Variants in ANO10 observed in about 807,000 individuals in gnomAD.
ANO10 encodes anoctamin-10.
ANO10 carries 77 observed loss-of-function variants against 74.7 expected under a neutral mutation model. The ratio of observed to expected loss-of-function variants is 1.03; its 90% CI spans 0.86 to 1.25. The LOEUF (loss-of-function observed/expected upper bound fraction) is 1.25, where lower values mean the gene tolerates loss of function less well. Ranked by LOEUF, ANO10 falls within the 50% of genes most tolerant of loss-of-function variation. The probability of loss-of-function intolerance (pLI) is 0.00; values close to 1 mark genes in which losing one functional copy is unlikely to be tolerated. For synonymous variants in ANO10, 279 were observed against 284.9 expected (o/e 0.98, Z 0.21); for missense variants, 721 against 778.1 (o/e 0.93, Z 0.87).
At chr3:43,457,288 T>C (rs1019257001) in intron 11 of ANO10, among the ~76,000 whole-genome samples, 1 of 152,190 alleles carries the variant, frequency 6.6e-6, no homozygotes, top group African/African-American at 2.4e-5. Flanking sequence ...CTTGTATTAG[T>C]CCATTTTCAC....
At position 43,418,917 on chromosome 3, in the gene ANO10, G is replaced by A. The variant is rs530297848; in HGVS notation, c.1914+13694C>T. Among the ~76,000 whole-genome samples, 113 of 152,352 alleles carry A rather than the reference G, an allele frequency of 7.4e-4. 1 individual carries two copies. The highest frequency in any genetic ancestry group is 2.6e-3 in the African/African-American group (107 of 41,580). Reference sequence around the variant, plus strand: ...AACATAGCCACGCTCTTTCATTTACGTATGTCTAAGACTGCTTTTGCATTA... The same window carrying A: ...AACATAGCCACGCTCTTTCATTTACATATGTCTAAGACTGCTTTTGCATTA... On this transcript the variant is annotated intron_variant, in intron 12 of 12. Transcript: ENST00000292246.
At chr3:43,649,570 G>A (rs1025862174) in intron 1 of ANO10, among the ~76,000 whole-genome samples, 1 of 152,166 alleles carries the variant, frequency 6.6e-6, no homozygotes, top group Non-Finnish European at 1.5e-5. Flanking sequence ...ACACAGAACA[G>A]CTCTAGGTGG....
chr3:43,505,793 T>C (rs1055899403), intron 11 of ANO10, among the ~76,000 whole-genome samples: 1 of 152,310 alleles, frequency 6.6e-6, no homozygotes, highest in East Asian at 1.9e-4. Flanking sequence ...ATATGGTCCC[T>C]AAGGGCAAAG....
chr3:43,454,958 G>A (rs1322695263), intron 11 of ANO10, among the ~76,000 whole-genome samples: 2 of 152,164 alleles, frequency 1.3e-5, no homozygotes, highest in Non-Finnish European at 2.9e-5. Context: ...AAGTGAGAGT[G>A]AGGGAGTCTC....
At chr3:43,449,515 CTTTTTT>C (rs61265406) in intron 11 of ANO10, among the ~76,000 whole-genome samples, 9 of 107,138 alleles carry the variant, frequency 8.4e-5, no homozygotes, top group Non-Finnish European at 1.4e-4. Context: ...TATCTAGATT[CTTTTTT>C]TTTTTTTTTT....
chr3:43,617,353 G>A (rs6800306), intron 1 of ANO10, among the ~76,000 whole-genome samples: 16,177 of 151,768 alleles, frequency 0.11, 1,484 homozygotes, highest in African/African-American at 0.25. Context: ...TCCTTTGATC[G>A]GGACTCTCAG....
intron 2 of ANO10, 45 bp from the exon 3 acceptor site, chr3:43,600,626 T>G (rs550148224): frequency 6.7e-7 from 1 of 1,500,738 alleles, no homozygotes; most frequent in East Asian, 2.3e-5. Flanking sequence ...AACATAAAAG[T>G]TTCAAAACTA....
chr3:43,546,318 C>T (rs2079188685), intron 11 of ANO10, among the ~76,000 whole-genome samples: 1 of 152,052 alleles, frequency 6.6e-6, no homozygotes, highest in Admixed American at 6.6e-5. Context: ...GAAAGAAGAA[C>T]AAAGTTAGTA....
chr3:43,375,765 C>G (rs560307580), intron 12 of ANO10, among the ~76,000 whole-genome samples: 2 of 151,350 alleles, frequency 1.3e-5, no homozygotes, highest in African/African-American at 4.8e-5. Flanking sequence ...GTTTATTCCC[C>G]CCTTGTCCAT....
chr3:43,595,337 T>C lies in ANO10; in HGVS notation c.472+3195A>G, dbSNP rs149637161. ...AAAGAGAATTTTAGATCAATATCCCTGATGAACATAAATGCAAAAATCCTC... is the reference window on the plus strand; with the variant it reads ...AAAGAGAATTTTAGATCAATATCCCCGATGAACATAAATGCAAAAATCCTC... On this transcript the variant is annotated intron_variant, in intron 4 of 12. Coordinates refer to ENST00000292246, the MANE Select transcript of ANO10 (RefSeq NM_018075.5). Among the ~76,000 whole-genome samples, 404 of 152,344 alleles carry C rather than the reference T, an allele frequency of 2.7e-3. 13 individuals are homozygous for C. In the East Asian group the frequency reaches 0.068, roughly 26 times the overall value.
intron 11 of ANO10, among the ~76,000 whole-genome samples, chr3:43,523,995 G>A (rs1001073146): frequency 6.6e-6 from 1 of 152,102 alleles, no homozygotes; most frequent in South Asian, 2.1e-4. Context: ...TCACCCAGGG[G>A]CCACAGTGGA....
intron 1 of ANO10, among the ~76,000 whole-genome samples, chr3:43,629,733 G>A (rs1290387751): frequency 1.3e-5 from 2 of 152,214 alleles, no homozygotes; most frequent in Non-Finnish European, 2.9e-5. Flanking sequence ...ATTGATAACT[G>A]AGGTAGGGAA....
chr3:43,401,854 TC>T (rs1158248337), intron 12 of ANO10, among the ~76,000 whole-genome samples: 2 of 152,250 alleles, frequency 1.3e-5, no homozygotes, highest in Admixed American at 1.3e-4. Flanking sequence ...TGATGTTTAC[TC>T]TGTGGTCAAT....
At chr3:43,621,839 C>T (rs944756439) in intron 1 of ANO10, 70 bp downstream of exon 1, 3 of 152,760 alleles carry the variant, frequency 2.0e-5, no homozygotes, top group African/African-American at 7.2e-5. Context: ...GCGGCCGGGG[C>T]TCTGTGGCTG....
intron 4 of ANO10, among the ~76,000 whole-genome samples, chr3:43,583,700 G>A (rs1168124307): frequency 1.3e-5 from 2 of 152,330 alleles, no homozygotes; most frequent in Admixed American, 6.5e-5. Flanking sequence ...GCAGGAAGTG[G>A]TGGCCAGCAG....
At chr3:43,439,662 T>C (rs1040638588) in intron 11 of ANO10, among the ~76,000 whole-genome samples, 1 of 152,056 alleles carries the variant, frequency 6.6e-6, no homozygotes, top group Non-Finnish European at 1.5e-5. Context: ...GGTGAATCAT[T>C]GAGCCCCAGG....
At chr3:43,670,318 C>G (rs912512902) in intron 1 of ANO10, among the ~76,000 whole-genome samples, 1 of 116,688 alleles carries the variant, frequency 8.6e-6, no homozygotes, top group South Asian at 3.0e-4. Flanking sequence ...AGAGCAAGAC[C>G]CTTTCTTAAA....
chr3:43,557,657 C>T (rs1449204048), intron 9 of ANO10, among the ~76,000 whole-genome samples: 3 of 150,254 alleles, frequency 2.0e-5, no homozygotes, highest in African/African-American at 7.4e-5. Flanking sequence ...ATGGTATAAA[C>T]CTGGGAGGCG....
At chr3:43,596,968 T>C (rs2082117876) in intron 4 of ANO10, among the ~76,000 whole-genome samples, 1 of 152,086 alleles carries the variant, frequency 6.6e-6, no homozygotes, top group Non-Finnish European at 1.5e-5. Flanking sequence ...TGAACAGACA[T>C]TTCTCAAAAG....
Sources: allele counts gnomAD v4.1 joint callset (sites outside exome capture counted in the v4.1 genomes callset), GRCh38; gene constraint gnomAD v4.1.1; transcripts MANE v1.5; gene names NCBI Gene and HGNC (gene_info 2026-07-23, HGNC 2026-07-21).